The following PTPRU variants were observed in gnomAD, a reference collection of about 807,000 sequenced individuals.
PTPRU encodes the protein protein tyrosine phosphatase receptor type U.
A neutral mutation model predicts 166.3 loss-of-function variants in PTPRU; 69 were observed. The observed-to-expected ratio is 0.41, with a 90% confidence interval of 0.34 to 0.51. The LOEUF is 0.51. Ranked by LOEUF, PTPRU falls within the 20% of genes least tolerant of loss-of-function variation. PTPRU has a pLI of 0.09. For missense variants in PTPRU, 1,657 were observed against 2,013.7 expected, an observed-to-expected ratio of 0.82 and a Z score of 3.39; for synonymous variants, 793 against 814.0, an observed-to-expected ratio of 0.97 and a Z score of 0.44.
chr1:29,260,939 G>A lies in PTPRU; in HGVS notation c.1144+36G>A, dbSNP rs1225730940. On this transcript the variant is annotated intron_variant, in intron 7 of 29. Coordinates refer to ENST00000373779, the MANE Select transcript of PTPRU (RefSeq NM_133178.4). The surrounding 1 kb of genome is among the most constrained non-coding windows in gnomAD (Gnocchi z 8.3). ...CAGCTACCCCTGGCCTCAGTCTCTGGTGGGCCCAGGGCTATGGAGGGGCGC... is the reference window on the plus strand; with the variant it reads ...CAGCTACCCCTGGCCTCAGTCTCTGATGGGCCCAGGGCTATGGAGGGGCGC... 2.0e-6 allele frequency: 3 copies of A among 1,501,534 alleles called. No individual in the cohort carries two copies. In the South Asian group the frequency reaches 3.9e-5, roughly 20 times the overall value. 93.0% of individuals were successfully genotyped at this position (1,501,534 alleles called of 1,614,324 possible). A position where few individuals can be genotyped will look rare whatever the true frequency, so the allele number is the denominator to read the frequency against.
intron 7 of PTPRU, among the ~76,000 whole-genome samples, chr1:29,272,079 A>G (rs138774485): frequency 9.1e-4 from 138 of 152,322 alleles, no homozygotes; most frequent in Middle Eastern, 3.4e-3. Context: ...TTGAAGAATA[A>G]CGCGAGGACC....
chr1:29,301,742 T>C (rs1435323705), intron 15 of PTPRU, among the ~76,000 whole-genome samples: 2 of 152,108 alleles, frequency 1.3e-5, no homozygotes, highest in Non-Finnish European at 2.9e-5. Context: ...CCTCCCCTCA[T>C]CCCATGACAG....
Position 29,315,255 on chromosome 1 carries a change from C to A in PTPRU, c.3228-117C>A. ...CTTACTCGGGGAGGGGCAGTCATCTCTGTGTCCGTGTCCCCTGTATGGTGT... is the reference window on the plus strand; with the variant it reads ...CTTACTCGGGGAGGGGCAGTCATCTATGTGTCCGTGTCCCCTGTATGGTGT... On this transcript the variant is annotated intron_variant, in intron 22 of 29. Coordinates refer to ENST00000373779, the MANE Select transcript of PTPRU (RefSeq NM_133178.4). The surrounding 1 kb of genome is among the most constrained non-coding windows in gnomAD (Gnocchi z 4.5). 1.5e-6 allele frequency: 2 copies of A among 1,314,250 alleles called. No individual in the cohort carries two copies. Among genetic ancestry groups the A allele is most frequent in the Non-Finnish European group, 2.1e-6 (2 of 949,532 alleles). The allele number at this position is 1,314,250 out of a possible 1,614,324, so 81.4% of individuals were successfully genotyped here.
Position 29,282,805 on chromosome 1 carries a change from G to A in PTPRU, c.1998G>A (p.Gly666=), listed in dbSNP as rs777872587. ...CCCGAGGCCTGGTGCACTACTTCGG[G>A]GCCGAACTGGCGGCCAGCAGTCTAC... ...ALARGLVHYF[G]AELAASSLPE... The change falls in exon 12 of 30, where the codon GGG becomes GGA. Residue 666 remains glycine (G), a synonymous_variant. Coordinates refer to ENST00000373779, the MANE Select transcript of PTPRU (RefSeq NM_133178.4). The A allele has an allele frequency of 1.2e-6, 2 of 1,614,122 alleles. No individual in the cohort carries two copies. The highest frequency in any genetic ancestry group is 3.3e-5 in the Admixed American group (2 of 60,022).
At chr1:29,301,186 G>A (rs1181960870) in intron 15 of PTPRU, among the ~76,000 whole-genome samples, 1 of 152,210 alleles carries the variant, frequency 6.6e-6, no homozygotes, top group African/African-American at 2.4e-5. Context: ...CTCACCCAGA[G>A]CAGGAGGAGG....
At chr1:29,272,081 G>A (rs532688851) in intron 7 of PTPRU, among the ~76,000 whole-genome samples, 1 of 152,296 alleles carries the variant, frequency 6.6e-6, no homozygotes, top group East Asian at 1.9e-4. Context: ...GAAGAATAAC[G>A]CGAGGACCTC....
At chr1:29,283,246 C>T (rs1177986612) in intron 12 of PTPRU, among the ~76,000 whole-genome samples, 1 of 150,162 alleles carries the variant, frequency 6.7e-6, no homozygotes, top group Non-Finnish European at 1.5e-5. Flanking sequence ...AGCCTTACCT[C>T]CCATAGAGCC....
intron 1 of PTPRU, among the ~76,000 whole-genome samples, chr1:29,241,820 C>G (rs375021288): frequency 8.7e-5 from 13 of 149,914 alleles, no homozygotes; most frequent in African/African-American, 3.0e-4. Flanking sequence ...GTCTTGAACT[C>G]CTGACATTGT....
At chr1:29,324,716 G>C (rs1688322814) in intron 28 of PTPRU, among the ~76,000 whole-genome samples, 1 of 152,178 alleles carries the variant, frequency 6.6e-6, no homozygotes, top group Admixed American at 6.5e-5. Context: ...TTGAGAATAT[G>C]TCTTCTGAGA....
At chr1:29,310,463 T>C (rs1687597291) in intron 18 of PTPRU, among the ~76,000 whole-genome samples, 1 of 151,902 alleles carries the variant, frequency 6.6e-6, no homozygotes, top group African/African-American at 2.4e-5. Context: ...ACTTTATGGG[T>C]GGGGGGTCCC....
chr1:29,304,443 C>T (rs1264346392), intron 16 of PTPRU, among the ~76,000 whole-genome samples: 1 of 152,188 alleles, frequency 6.6e-6, no homozygotes, highest in Non-Finnish European at 1.5e-5. Flanking sequence ...ACTCTGACAT[C>T]ACCCTTATCC....
intron 17 of PTPRU, 49 bp downstream of exon 17, chr1:29,304,898 A>G: frequency 6.6e-7 from 1 of 1,512,294 alleles, no homozygotes; most frequent in Non-Finnish European, 9.1e-7. Flanking sequence ...GTGGGAGGGC[A>G]TCAGGAGGGG....
chr1:29,250,415 C>T (rs759664667), intron 1 of PTPRU, among the ~76,000 whole-genome samples: 1 of 152,202 alleles, frequency 6.6e-6, no homozygotes, highest in Non-Finnish European at 1.5e-5. Context: ...AGGTTTAAGT[C>T]TGAGCTTCTG....
At position 29,320,562 on chromosome 1, in the gene PTPRU, TG is replaced by T; in HGVS notation, c.3688-121del. On this transcript the variant is annotated intron_variant, in intron 25 of 29. Transcript: ENST00000373779. The surrounding 1 kb of genome is among the most constrained non-coding windows in gnomAD (Gnocchi z 5.2). ...CAGAAATGGCCCACTGGAGGCAGCC[TG>T]GTCCTGTGGGGCACAACCGTCCAAC... 2 of 1,186,698 alleles carry T rather than the reference TG, an allele frequency of 1.7e-6. No homozygotes were observed. Among genetic ancestry groups the T allele is most frequent in the Non-Finnish European group, 2.3e-6 (2 of 887,064 alleles). 73.5% of individuals were successfully genotyped at this position (1,186,698 alleles called of 1,614,324 possible).
intron 15 of PTPRU, among the ~76,000 whole-genome samples, chr1:29,303,317 T>C (rs1687224032): frequency 6.6e-6 from 1 of 152,218 alleles, no homozygotes; most frequent in Non-Finnish European, 1.5e-5. Context: ...ACTCCCCCAC[T>C]GGCTGCGGCC....
chr1:29,248,096 C>T (rs1210770351), intron 1 of PTPRU, among the ~76,000 whole-genome samples: 3 of 152,152 alleles, frequency 2.0e-5, no homozygotes, highest in Non-Finnish European at 4.4e-5. Flanking sequence ...TGGGCCGGGC[C>T]TCTGGGCTGG....
chr1:29,273,738 G>A (rs1390135778), intron 7 of PTPRU, among the ~76,000 whole-genome samples: 1 of 152,070 alleles, frequency 6.6e-6, no homozygotes, highest in Non-Finnish European at 1.5e-5. Flanking sequence ...ATAGCATTCT[G>A]GTCCATAGAG....
Position 29,280,299 on chromosome 1 carries a change from G to A in PTPRU, c.1868+158G>A, listed in dbSNP as rs1686004385. Among the ~76,000 whole-genome samples, 1 of 152,202 alleles carries A rather than the reference G, an allele frequency of 6.6e-6. No individual in the cohort carries two copies. The highest frequency in any genetic ancestry group is 1.5e-5 in the Non-Finnish European group (1 of 68,024). On this transcript the variant is annotated intron_variant, in intron 11 of 29. Coordinates refer to ENST00000373779, the MANE Select transcript of PTPRU (RefSeq NM_133178.4). The surrounding 1 kb of genome is among the most constrained non-coding windows in gnomAD (Gnocchi z 4.2). Reference sequence around the variant, plus strand: ...GGAGGAGATTGTTCTGTGATGCTTGGCAGGCAAGAAGCCTGCAGTCCCTCC... The same window carrying A: ...GGAGGAGATTGTTCTGTGATGCTTGACAGGCAAGAAGCCTGCAGTCCCTCC...
chr1:29,259,759 A>G (rs1218608398), intron 5 of PTPRU, 111 bp from the exon 6 acceptor site: 2 of 1,338,954 alleles, frequency 1.5e-6, no homozygotes, highest in African/African-American at 3.0e-5. Flanking sequence ...CGGCTCCAGG[A>G]ACCTATGTCC....
Sources: gnomAD v4.1 joint callset for allele counts (sites outside exome capture counted in the v4.1 genomes callset) on GRCh38, gnomAD v4.1.1 for gene constraint, Gnocchi (gnomAD v3.1) non-coding constraint, MANE v1.5 for transcripts, NCBI Gene and HGNC (gene_info 2026-07-23, HGNC 2026-07-21) for gene names.